The following NBPF3 variants were observed in gnomAD, a reference collection of about 807,000 sequenced individuals.
The protein encoded by NBPF3 is NBPF member 3.
In NBPF3, 57 loss-of-function variants were observed where a neutral mutation model predicts 78.1. That is an observed-to-expected ratio of 0.73 (90% CI 0.59 to 0.91). The LOEUF (loss-of-function observed/expected upper bound fraction) is 0.91, where lower values mean the gene tolerates loss of function less well. Ranked by LOEUF, NBPF3 falls within the 40% of genes least tolerant of loss-of-function variation. The pLI is 0.00. For missense variants in NBPF3, 510 were observed against 715.3 expected, an observed-to-expected ratio of 0.71 and a Z score of 3.27; for synonymous variants, 182 against 271.7, an observed-to-expected ratio of 0.67 and a Z score of 3.25.
intron 2 of NBPF3, among the ~76,000 whole-genome samples, chr1:21,462,745 G>A (rs1226581334): frequency 1.3e-5 from 2 of 152,212 alleles, no homozygotes; most frequent in African/African-American, 4.8e-5. Context: ...GGTTAGCTTT[G>A]AAGGCCAAAA....
At chr1:21,467,782 A>G (rs1310201687) in intron 2 of NBPF3, among the ~76,000 whole-genome samples, 1 of 152,218 alleles carries the variant, frequency 6.6e-6, no homozygotes, top group Admixed American at 6.5e-5. Context: ...TACTAGAATG[A>G]CATCCATAAG....
rs374091070 is a variant in NBPF3, at chr1:21,479,792, ATCTC to A, written c.1209-233_1209-230del. 2.1e-3 allele frequency among the ~76,000 whole-genome samples: 170 copies of A among 81,200 alleles called. 1 individual carries two copies. The highest frequency in any genetic ancestry group is 5.0e-3 in the African/African-American group (131 of 26,226). The allele number at this position is 81,200 out of a possible 152,430, so 53.3% of individuals were successfully genotyped here. ...ACCTGGCCAATTCACTGAGCTCACT[ATCTC>A]TCTCTCTCTCTCTCTCTCTCTCTCT... On this transcript the variant is annotated intron_variant, in intron 10 of 14. Transcript: ENST00000318249.
chr1:21,450,392 C>T (rs1641241486), intron 2 of NBPF3, among the ~76,000 whole-genome samples: 1 of 152,198 alleles, frequency 6.6e-6, no homozygotes, highest in Non-Finnish European at 1.5e-5. Context: ...TCTTCTCCAA[C>T]CAGCCACAGA....
chr1:21,473,663 C>G, intron 7 of NBPF3, 78 bp downstream of exon 7: 1 of 1,244,632 alleles, frequency 8.0e-7, no homozygotes, highest in Non-Finnish European at 1.2e-6. Context: ...TCTATACACA[C>G]AGATTGGTTT....
At chr1:21,462,497 A>G (rs1642008053) in intron 2 of NBPF3, among the ~76,000 whole-genome samples, 1 of 152,250 alleles carries the variant, frequency 6.6e-6, no homozygotes, top group Non-Finnish European at 1.5e-5. Context: ...AAAATTGAAA[A>G]TTGATGGAAA....
At chr1:21,463,218 C>G (rs6426696) in intron 2 of NBPF3, among the ~76,000 whole-genome samples, 2 of 152,172 alleles carry the variant, frequency 1.3e-5, no homozygotes, top group South Asian at 2.1e-4. Flanking sequence ...AGCCTTAGAA[C>G]AGCATGGGCT....
At chr1:21,444,006 ATT>A (rs1640817950) in intron 1 of NBPF3, among the ~76,000 whole-genome samples, 1 of 152,184 alleles carries the variant, frequency 6.6e-6, no homozygotes, top group African/African-American at 2.4e-5. Context: ...CATTGTTGTT[ATT>A]ATGATGATTT....
chr1:21,456,804 T>TA (rs1299830418), intron 2 of NBPF3, among the ~76,000 whole-genome samples: 6 of 152,272 alleles, frequency 3.9e-5, no homozygotes, highest in Admixed American at 2.0e-4. Flanking sequence ...TTAAATCAGA[T>TA]AAAAAAGTAG....
chr1:21,470,783 T>C (rs930874743), intron 4 of NBPF3, 49 bp downstream of exon 4: 1 of 1,286,178 alleles, frequency 7.8e-7, no homozygotes. Context: ...TGTAAATATC[T>C]GAAGTACAGC....
At chr1:21,466,659 C>A (rs1454496978) in intron 2 of NBPF3, among the ~76,000 whole-genome samples, 1 of 152,242 alleles carries the variant, frequency 6.6e-6, no homozygotes, top group African/African-American at 2.4e-5. Context: ...GGTCACACCT[C>A]TGTCCTGGAC....
intron 2 of NBPF3, among the ~76,000 whole-genome samples, chr1:21,447,895 C>T (rs748272342): frequency 3.3e-5 from 5 of 152,146 alleles, no homozygotes; most frequent in Admixed American, 6.5e-5. Flanking sequence ...AATTCCCTAA[C>T]GACAAATGAT....
intron 2 of NBPF3, among the ~76,000 whole-genome samples, chr1:21,463,223 T>C (rs1642049849): frequency 6.6e-6 from 1 of 152,178 alleles, no homozygotes; most frequent in African/African-American, 2.4e-5. Context: ...TAGAACAGCA[T>C]GGGCTGGCAA....
At chr1:21,477,272 C>T (rs1642934654) in intron 8 of NBPF3, among the ~76,000 whole-genome samples, 1 of 152,220 alleles carries the variant, frequency 6.6e-6, no homozygotes, top group East Asian at 1.9e-4. Flanking sequence ...AAGCCTACTT[C>T]TGTCAGCTCA....
chr1:21,475,676 G>A (rs1368318538), intron 8 of NBPF3, among the ~76,000 whole-genome samples: 2 of 152,114 alleles, frequency 1.3e-5, no homozygotes, highest in Admixed American at 6.6e-5. Context: ...GCTTGCTGAG[G>A]AGTGCTTTAC....
At chr1:21,439,296 C>T (rs1040772614), upstream of NBPF3, among the ~76,000 whole-genome samples, 4 of 152,098 alleles carry the variant, frequency 2.6e-5, no homozygotes, top group Admixed American at 1.3e-4. Context: ...CTAGACCAGC[C>T]TTGCCAACAT....
At chr1:21,450,100 G>A (rs1435578606) in intron 2 of NBPF3, among the ~76,000 whole-genome samples, 2 of 152,180 alleles carry the variant, frequency 1.3e-5, no homozygotes, top group African/African-American at 2.4e-5. Flanking sequence ...GGAATGAAGC[G>A]GCTGGGTTCT....
chr1:21,480,437 A>G (rs917569785), intron 11 of NBPF3, among the ~76,000 whole-genome samples: 2 of 116,220 alleles, frequency 1.7e-5, no homozygotes, highest in Non-Finnish European at 4.2e-5. Flanking sequence ...GTCTCCAGCC[A>G]TGCCTGTGGC....
At position 21,478,266 on chromosome 1, in the gene NBPF3, C is replaced by T. The variant is rs139698539; in HGVS notation, c.1115C>T (p.Ser372Leu). 12 of 1,614,032 alleles carry T rather than the reference C, an allele frequency of 7.4e-6. No individual in the cohort carries two copies. The highest frequency in any genetic ancestry group is 4.5e-5 in the East Asian group (2 of 44,888). The change falls in exon 9 of 15, where the codon TCA (serine) becomes TTA (leucine). Residue 372 changes from serine to leucine, a missense_variant. Ser to Leu is a moderately radical substitution (Grantham distance 145, BLOSUM62 -2). Around this residue, in one of 5 missense-constraint regions of NBPF3, gnomAD observed 440 missense variants for 478.2 expected, o/e 0.92. Coordinates refer to ENST00000318249, the MANE Select transcript of NBPF3 (RefSeq NM_032264.6). The part of the protein sequence containing the change: ...SYQSDRSTFH[S>L]VEEQQVGLAL... Reference sequence around the variant, plus strand: ...CAGTCTGACAGGAGCACCTTTCACTCAGTAGAGGAACAGCAAGTCGGCTTG... The same window carrying T: ...CAGTCTGACAGGAGCACCTTTCACTTAGTAGAGGAACAGCAAGTCGGCTTG...
chr1:21,449,063 T>C (rs1168506152), intron 2 of NBPF3, among the ~76,000 whole-genome samples: 3 of 152,246 alleles, frequency 2.0e-5, no homozygotes, highest in Non-Finnish European at 4.4e-5. Context: ...AGTTCTACTT[T>C]AGCACATTTT....
Sources: gnomAD v4.1 joint callset for allele counts (sites outside exome capture counted in the v4.1 genomes callset) on GRCh38, gnomAD v4.1.1 for gene constraint, gnomAD v4.1.1 regional missense constraint, MANE v1.5 for transcripts, NCBI Gene and HGNC (gene_info 2026-07-23, HGNC 2026-07-21) for gene names.